Variants in DLGAP2 observed in about 807,000 individuals in gnomAD.
DLGAP2 encodes the protein DLG associated protein 2, also known as disks large-associated protein 2.
A neutral mutation model predicts 100.3 loss-of-function variants in DLGAP2; 26 were observed. The ratio of observed to expected loss-of-function variants is 0.26; its 90% CI spans 0.19 to 0.36. The LOEUF is 0.36. Among genes scored for constraint, DLGAP2 ranks in the 10% least tolerant of loss-of-function variants. The pLI, the probability that DLGAP2 is intolerant of heterozygous loss-of-function variation, is 1.00. For missense variants in DLGAP2, 1,858 were observed against 1,453.2 expected, an observed-to-expected ratio of 1.28 and a Z score of -4.53; for synonymous variants, 886 against 630.1, an observed-to-expected ratio of 1.41 and a Z score of -6.08.
At chr8:839,385 A>G (rs1447736224) in intron 1 of DLGAP2, among the ~76,000 whole-genome samples, 1 of 152,222 alleles carries the variant, frequency 6.6e-6, no homozygotes, top group African/African-American at 2.4e-5. Context: ...TGCACAATGG[A>G]ATACTATTGA....
At chr8:1,102,336 A>G (rs994057693) in intron 2 of DLGAP2, among the ~76,000 whole-genome samples, 1 of 147,650 alleles carries the variant, frequency 6.8e-6, no homozygotes, top group African/African-American at 2.5e-5. Flanking sequence ...TAAATTACAT[A>G]TATAATTATA....
At chr8:859,569 G>A (rs904369727) in intron 1 of DLGAP2, among the ~76,000 whole-genome samples, 2 of 152,100 alleles carry the variant, frequency 1.3e-5, no homozygotes, top group African/African-American at 2.4e-5. Context: ...ATGGCCCATC[G>A]CCCCCTGCCC....
intron 2 of DLGAP2, among the ~76,000 whole-genome samples, chr8:1,070,077 A>C (rs971683877): frequency 6.6e-6 from 1 of 152,240 alleles, no homozygotes; most frequent in Non-Finnish European, 1.5e-5. Context: ...TTTTCTCCAA[A>C]TCACTACGCT....
chr8:1,456,369 C>G (rs537980237), intron 3 of DLGAP2, among the ~76,000 whole-genome samples: 1 of 152,158 alleles, frequency 6.6e-6, no homozygotes, highest in Non-Finnish European at 1.5e-5. Flanking sequence ...CTGTCGTCTT[C>G]CTGACTAATG....
intron 2 of DLGAP2, among the ~76,000 whole-genome samples, chr8:1,055,412 T>C (rs1007697259): frequency 6.6e-6 from 1 of 152,206 alleles, no homozygotes; most frequent in Admixed American, 6.5e-5. Flanking sequence ...TAAATATTAA[T>C]GTAATAAGAT....
rs112553740 is a variant in DLGAP2 at position 751,420 on chromosome 8, G to T, written c.18+13595G>T. On this transcript the variant is annotated intron_variant, in intron 1 of 14. Transcript: ENST00000637795. ...TTCTGACAGTCGCTCAGGAGGTGTC[G>T]CGCCATCTGTCCTCACTCGGCCGTC... is the stretch of plus-strand genomic sequence containing the variant. Among the ~76,000 whole-genome samples, 914 of 152,292 alleles carry T rather than the reference G, an allele frequency of 6.0e-3. 11 individuals carry two copies. The highest frequency in any genetic ancestry group is 0.021 in the African/African-American group (869 of 41,550).
intron 1 of DLGAP2, among the ~76,000 whole-genome samples, chr8:785,130 T>C (rs192618323): frequency 7.1e-6 from 1 of 140,238 alleles, no homozygotes; most frequent in Admixed American, 7.6e-5. Context: ...GGCAGGAGAA[T>C]GGGGTGAACC....
At chr8:799,354 G>A (rs997518282) in intron 1 of DLGAP2, among the ~76,000 whole-genome samples, 2 of 152,086 alleles carry the variant, frequency 1.3e-5, no homozygotes, top group Admixed American at 1.3e-4. Context: ...TGTGGCGGGA[G>A]GGGGTTGAAT....
At chr8:1,368,200 G>A (rs1276958309) in intron 3 of DLGAP2, among the ~76,000 whole-genome samples, 1 of 150,820 alleles carries the variant, frequency 6.6e-6, no homozygotes, top group African/African-American at 2.4e-5. Context: ...GTGTGTGTAC[G>A]TGTGTGTCCA....
At chr8:1,426,474 A>C (rs1007770038) in intron 3 of DLGAP2, among the ~76,000 whole-genome samples, 2 of 152,216 alleles carry the variant, frequency 1.3e-5, no homozygotes, top group African/African-American at 4.8e-5. Flanking sequence ...ATTCCAGAAG[A>C]AAAGATCCCA....
intron 3 of DLGAP2, among the ~76,000 whole-genome samples, chr8:1,444,530 A>T (rs1797927267): frequency 6.6e-6 from 1 of 152,034 alleles, no homozygotes; most frequent in Non-Finnish European, 1.5e-5. Context: ...ATTTTTTAAG[A>T]GAGAAAGAGA....
In DLGAP2 at chr8:1,668,399, C is replaced by A. The variant is rs770930937; in HGVS notation, c.1881C>A (p.Ile627=). 3 of 1,603,598 alleles carry A rather than the reference C, an allele frequency of 1.9e-6. No homozygotes were observed. In the South Asian group the frequency reaches 3.4e-5, roughly 18 times the overall value. ...CTCGGACCACCTCCAAGCCTCTGAT[C>A]TCGGTGACGGCGCAGAGCAGCACCG... ...VPPRTTSKPL[I]SVTAQSSTES... The change falls in exon 9 of 15, where the codon ATC becomes ATA. Residue 627 remains isoleucine, a synonymous_variant. Coordinates refer to ENST00000637795, the MANE Select transcript of DLGAP2 (RefSeq NM_001346810.2).
chr8:1,036,403 TC>T (rs1374218012), intron 2 of DLGAP2, among the ~76,000 whole-genome samples: 1 of 152,192 alleles, frequency 6.6e-6, no homozygotes, highest in Non-Finnish European at 1.5e-5. Flanking sequence ...TGGCGAGAGC[TC>T]AGCTCCTCAG....
chr8:1,275,831 AATATATAATATATAAAT>A (rs1191965499), intron 3 of DLGAP2, among the ~76,000 whole-genome samples: 22 of 64,834 alleles, frequency 3.4e-4, no homozygotes, highest in East Asian at 8.2e-4. Flanking sequence ...TATAAAAATA[AATATATAATATATAAAT>A]ATATATAATA....
At chr8:1,033,419 C>G (rs892966510) in intron 2 of DLGAP2, among the ~76,000 whole-genome samples, 17 of 152,286 alleles carry the variant, frequency 1.1e-4, no homozygotes, top group Admixed American at 9.1e-4. Flanking sequence ...GTAATCCCAG[C>G]ACTTTGAGGG....
At chr8:1,500,809 C>T (rs2130320277) in intron 3 of DLGAP2, among the ~76,000 whole-genome samples, 1 of 152,316 alleles carries the variant, frequency 6.6e-6, no homozygotes, top group South Asian at 2.1e-4. Context: ...GGGTGATCTC[C>T]CAACAGAGGG....
chr8:978,636 G>A (rs368276009), intron 2 of DLGAP2, among the ~76,000 whole-genome samples: 5 of 149,584 alleles, frequency 3.3e-5, no homozygotes, highest in African/African-American at 1.2e-4. Context: ...GGGCGTCGGG[G>A]ATGCAGTGAG....
At chr8:768,577 A>G (rs530311243) in intron 1 of DLGAP2, among the ~76,000 whole-genome samples, 8 of 151,912 alleles carry the variant, frequency 5.3e-5, no homozygotes, top group African/African-American at 1.9e-4. Flanking sequence ...GGCGCTTGCC[A>G]CCATGCCCGG....
intron 1 of DLGAP2, among the ~76,000 whole-genome samples, chr8:846,863 G>C (rs1234851850): frequency 1.3e-5 from 2 of 152,128 alleles, no homozygotes; most frequent in African/African-American, 4.8e-5. Context: ...GAGTGATGTT[G>C]AGCACATCCA....
Sources: gnomAD v4.1 joint callset for allele counts (sites outside exome capture counted in the v4.1 genomes callset) on GRCh38, gnomAD v4.1.1 for gene constraint, MANE v1.5 for transcripts, NCBI Gene and HGNC (gene_info 2026-07-23, HGNC 2026-07-21) for gene names.